TRAM2: variants seen among roughly 807,000 people sequenced by gnomAD.
The protein encoded by TRAM2 is translocation associated membrane protein 2.
A neutral mutation model predicts 51.0 loss-of-function variants in TRAM2; 12 were observed. That is an observed-to-expected ratio of 0.24 (90% CI 0.15 to 0.38). TRAM2 has a LOEUF of 0.38. Ranked by LOEUF, TRAM2 falls within the 10% of genes least tolerant of loss-of-function variation. The probability of loss-of-function intolerance (pLI) is 1.00; values close to 1 mark genes in which losing one functional copy is unlikely to be tolerated. For synonymous variants in TRAM2, 175 were observed against 179.4 expected (o/e 0.98, Z 0.20); for missense variants, 361 against 462.0 (o/e 0.78, Z 2.00).
At chr6:52,504,240 C>A (rs868378308) in intron 10 of TRAM2, among the ~76,000 whole-genome samples, 1 of 152,328 alleles carries the variant, frequency 6.6e-6, no homozygotes, top group East Asian at 1.9e-4. Context: ...GGCCGCCGTC[C>A]GGCACTGAGA....
At position 52,577,029 on chromosome 6, in the gene TRAM2, A is replaced by G. The variant is rs1338836769; in HGVS notation, c.-114T>C. On this transcript the variant is annotated 5_prime_UTR_variant, in exon 1 of 11. Transcript: ENST00000182527. The stretch of plus-strand genomic sequence containing the variant: ...GCCGGCCCGCCGCCCGCTCTCCCAC[A>G]GCCGCTCGCCCGCCCAGCGCGGAAC... 4.1e-6 allele frequency: 5 copies of G among 1,222,956 alleles called. No individual in the cohort carries two copies. The highest frequency in any genetic ancestry group is 5.2e-6 in the Non-Finnish European group (5 of 970,026). The allele number at this position is 1,222,956 out of a possible 1,614,324, so 75.8% of individuals were successfully genotyped here.
At chr6:52,516,974 G>GT (rs1196494669) in intron 2 of TRAM2, 1 of 518,606 alleles carries the variant, frequency 1.9e-6, no homozygotes, top group Admixed American at 3.2e-5. Flanking sequence ...TGTCATAACA[G>GT]TATCTCCTGA....
At chr6:52,576,475 G>A (rs1370422018) in intron 1 of TRAM2, among the ~76,000 whole-genome samples, 8 of 152,236 alleles carry the variant, frequency 5.3e-5, no homozygotes, top group South Asian at 4.1e-4. Context: ...AACCCCACGC[G>A]TCAAGCCATG....
At chr6:52,551,194 A>C (rs1301776676) in intron 1 of TRAM2, among the ~76,000 whole-genome samples, 3 of 152,204 alleles carry the variant, frequency 2.0e-5, no homozygotes, top group African/African-American at 7.2e-5. Context: ...GCAGTGACAA[A>C]TATGAGTCCT....
At position 52,501,357 on chromosome 6, in the gene TRAM2, T is replaced by C. The variant is rs1163501929; in HGVS notation, c.*1840A>G. On this transcript the variant is annotated 3_prime_UTR_variant, in exon 11 of 11. Transcript: ENST00000182527. ...CTGGGAAGCTAAAATTTATCTATGATGTAAGTGACTTGGAGAAGGGGAGTT... is the reference window on the plus strand; with the variant it reads ...CTGGGAAGCTAAAATTTATCTATGACGTAAGTGACTTGGAGAAGGGGAGTT... 1 of 152,176 alleles carries C rather than the reference T, an allele frequency of 6.6e-6. No homozygotes were observed. The highest frequency in any genetic ancestry group is 2.4e-5 in the African/African-American group (1 of 41,422). 9.4% of individuals were successfully genotyped at this position (152,176 alleles called of 1,614,324 possible). A position where few individuals can be genotyped will look rare whatever the true frequency, so the allele number is the denominator to read the frequency against.
chr6:52,543,968 A>G (rs1393721574), intron 1 of TRAM2, among the ~76,000 whole-genome samples: 1 of 152,246 alleles, frequency 6.6e-6, no homozygotes, highest in Non-Finnish European at 1.5e-5. Flanking sequence ...GTTGGCAGAC[A>G]GTGACCTGCT....
chr6:52,537,414 A>T (rs1400797814), intron 1 of TRAM2, among the ~76,000 whole-genome samples: 1 of 151,938 alleles, frequency 6.6e-6, no homozygotes, highest in East Asian at 1.9e-4. Context: ...AATATATTCT[A>T]CTCACCACTT....
intron 4 of TRAM2, 45 bp from the exon 5 acceptor site, chr6:52,509,631 G>A (rs1430553838): frequency 2.5e-6 from 4 of 1,597,058 alleles, no homozygotes; most frequent in African/African-American, 1.3e-5. Flanking sequence ...GTGGACGTGA[G>A]ACCTGCTGGG....
chr6:52,528,912 A>G (rs1766833000), intron 2 of TRAM2, among the ~76,000 whole-genome samples: 1 of 135,040 alleles, frequency 7.4e-6, no homozygotes, highest in Non-Finnish European at 1.6e-5. Flanking sequence ...TTTTTTTGAG[A>G]CCGAGTCTCG....
Position 52,499,701 on chromosome 6 carries a change from G to T in TRAM2, c.*3496C>A, listed in dbSNP as rs1214589164. ...GGTTCTTAGGGTCCCAGGGTTTCCG[G>T]TCAAGAGAAGGATCTGTGAACGTGG... is the stretch of plus-strand genomic sequence containing the variant. On this transcript the variant is annotated 3_prime_UTR_variant, in exon 11 of 11. Transcript: ENST00000182527. 6.6e-6 allele frequency: 1 copy of T among 152,306 alleles called. No homozygotes were observed. Among genetic ancestry groups the T allele is most frequent in the Non-Finnish European group, 1.5e-5 (1 of 68,110 alleles). 9.4% of individuals were successfully genotyped at this position (152,306 alleles called of 1,614,324 possible).
chr6:52,498,709 G>C lies in TRAM2; in HGVS notation c.*4488C>G, dbSNP rs1245773752. The C allele has an allele frequency of 6.5e-6, 1 of 152,806 alleles. No homozygotes were observed. Among genetic ancestry groups the C allele is most frequent in the Non-Finnish European group, 1.5e-5 (1 of 68,228 alleles). 9.5% of individuals were successfully genotyped at this position (152,806 alleles called of 1,614,324 possible). ...CAAAAACAAAACAGAACACACCACAGACCCTAATCCTGGGCAGCGGGGTTA... is the reference window on the plus strand; with the variant it reads ...CAAAAACAAAACAGAACACACCACACACCCTAATCCTGGGCAGCGGGGTTA... On this transcript the variant is annotated 3_prime_UTR_variant, in exon 11 of 11. Transcript: ENST00000182527.
intron 2 of TRAM2, among the ~76,000 whole-genome samples, chr6:52,530,332 T>C (rs1014212796): frequency 1.3e-5 from 2 of 152,188 alleles, no homozygotes; most frequent in Non-Finnish European, 2.9e-5. Flanking sequence ...TGTGTGCATC[T>C]CTCTGAATGA....
Position 52,509,514 on chromosome 6 carries a change from A to C in TRAM2, c.470+14T>G. 1 of 1,609,056 alleles carries C rather than the reference A, an allele frequency of 6.2e-7. No homozygotes were observed. On this transcript the variant is annotated intron_variant, in intron 5 of 10. Coordinates refer to ENST00000182527, the MANE Select transcript of TRAM2 (RefSeq NM_012288.4). ...GGTCGCTCCTCCCTGGGGCTGAGTC[A>C]ACAGAATACTCACGGGAGGTGCACA...
At chr6:52,556,857 G>A (rs1167055972) in intron 1 of TRAM2, among the ~76,000 whole-genome samples, 1 of 151,870 alleles carries the variant, frequency 6.6e-6, no homozygotes, top group Non-Finnish European at 1.5e-5. Flanking sequence ...GAACCCAGGA[G>A]GCGGAGGTTG....
chr6:52,538,249 T>G (rs1336948502), intron 1 of TRAM2, among the ~76,000 whole-genome samples: 1 of 152,214 alleles, frequency 6.6e-6, no homozygotes, highest in African/African-American at 2.4e-5. Flanking sequence ...ATTCAAGAAA[T>G]GCACATGTCT....
chr6:52,569,067 T>TACAGG (rs1554267013), intron 1 of TRAM2, among the ~76,000 whole-genome samples: 1 of 152,182 alleles, frequency 6.6e-6, no homozygotes, highest in Non-Finnish European at 1.5e-5. Flanking sequence ...TTTCAATCAA[T>TACAGG]ACAGGCCAGC....
At chr6:52,514,616 C>T (rs1766510360) in intron 4 of TRAM2, among the ~76,000 whole-genome samples, 1 of 152,250 alleles carries the variant, frequency 6.6e-6, no homozygotes, top group African/African-American at 2.4e-5. Context: ...GCGTGTTAAG[C>T]AACTTGGCTC....
chr6:52,549,712 G>T (rs1019975749), intron 1 of TRAM2, among the ~76,000 whole-genome samples: 1 of 152,216 alleles, frequency 6.6e-6, no homozygotes, highest in Non-Finnish European at 1.5e-5. Flanking sequence ...ACTGGGGCAA[G>T]AGAAGGAAAT....
intron 1 of TRAM2, among the ~76,000 whole-genome samples, chr6:52,573,965 T>C (rs1382996339): frequency 2.6e-5 from 4 of 152,304 alleles, no homozygotes; most frequent in South Asian, 2.1e-4. Flanking sequence ...TGAGTTTTCC[T>C]GGCTCAGCTT....
Sources: allele counts gnomAD v4.1 joint callset (sites outside exome capture counted in the v4.1 genomes callset), GRCh38; gene constraint gnomAD v4.1.1; transcripts MANE v1.5; gene names NCBI Gene and HGNC (gene_info 2026-07-23, HGNC 2026-07-21).